COL4A6: variants seen among roughly 807,000 people sequenced by gnomAD.
COL4A6 encodes the protein collagen type IV alpha 6 chain.
COL4A6 carries 59 observed loss-of-function variants against 126.7 expected under a neutral mutation model. The observed-to-expected ratio is 0.47, with a 90% confidence interval of 0.38 to 0.58. COL4A6 has a LOEUF of 0.58. Among genes scored for constraint, COL4A6 ranks in the 20% least tolerant of loss-of-function variants. The probability of loss-of-function intolerance (pLI) is 0.00; values close to 1 mark genes in which losing one functional copy is unlikely to be tolerated. For missense variants in COL4A6, 1,285 were observed against 1,337.3 expected (o/e 0.96, Z 0.61); for synonymous variants, 547 against 496.6 (o/e 1.10, Z -1.35).
chrX:108,172,735 T>G (rs915074242), intron 31 of COL4A6, among the ~76,000 whole-genome samples: 1 of 110,849 alleles, frequency 9.0e-6, no homozygotes, highest in Admixed American at 9.6e-5. Context: ...ATACTTAGGG[T>G]TTGTAGGGGA....
intron 2 of COL4A6, among the ~76,000 whole-genome samples, chrX:108,376,754 T>C (rs774557612): frequency 3.9e-4 from 44 of 113,008 alleles, no homozygotes; most frequent in Non-Finnish European, 7.1e-4. Flanking sequence ...TTGCTCTTTT[T>C]TTCTGAAAAT....
chrX:108,361,174 G>A (rs2040077270), intron 2 of COL4A6, among the ~76,000 whole-genome samples: 1 of 111,041 alleles, frequency 9.0e-6, no homozygotes, highest in Non-Finnish European at 1.9e-5. Context: ...TTTTCCCTCT[G>A]GTTGATGAAA....
At chrX:108,353,214 G>C (rs1265105171) in intron 2 of COL4A6, among the ~76,000 whole-genome samples, 1 of 111,886 alleles carries the variant, frequency 8.9e-6, no homozygotes, top group African/African-American at 3.3e-5. Context: ...AAAATCCTTA[G>C]TTGTACTCAT....
chrX:108,319,886 A>G (rs925580096), intron 2 of COL4A6, among the ~76,000 whole-genome samples: 2 of 112,150 alleles, frequency 1.8e-5, no homozygotes, highest in African/African-American at 6.5e-5. Context: ...ATGTGTTGAC[A>G]CAGGAGAGAG....
intron 2 of COL4A6, among the ~76,000 whole-genome samples, chrX:108,353,744 T>A: frequency 8.9e-6 from 1 of 112,142 alleles, no homozygotes; most frequent in South Asian, 3.7e-4. Flanking sequence ...TAGCGTATAT[T>A]ATGGAAGTAG....
At chrX:108,425,723 CACACACACAA>C (rs2064070069) in intron 2 of COL4A6, among the ~76,000 whole-genome samples, 1 of 105,906 alleles carries the variant, frequency 9.4e-6, no homozygotes, top group African/African-American at 3.5e-5. Flanking sequence ...GACAGCACAA[CACACACACAA>C]ACACACACAC....
intron 2 of COL4A6, among the ~76,000 whole-genome samples, chrX:108,418,258 AT>A (rs1349366536): frequency 8.9e-6 from 1 of 112,351 alleles, no homozygotes; most frequent in African/African-American, 3.2e-5. Context: ...TACTTTGGAT[AT>A]TATTTTCAAG....
chrX:108,305,080 A>AT (rs2147890250), intron 3 of COL4A6, among the ~76,000 whole-genome samples: 1 of 111,977 alleles, frequency 8.9e-6, no homozygotes, highest in African/African-American at 3.2e-5. Flanking sequence ...AGAGCAGACA[A>AT]GTGAAGAGAA....
chrX:108,238,964 T>C (rs1193753820), intron 3 of COL4A6, among the ~76,000 whole-genome samples: 4 of 112,513 alleles, frequency 3.6e-5, no homozygotes, highest in African/African-American at 1.3e-4. Flanking sequence ...CATCTCTTCA[T>C]AGGCTTGTTA....
intron 3 of COL4A6, among the ~76,000 whole-genome samples, chrX:108,238,609 C>T (rs1172004943): frequency 9.3e-6 from 1 of 107,747 alleles, no homozygotes; most frequent in Non-Finnish European, 1.9e-5. Context: ...ATCTAGTTTG[C>T]CTCTAATCCC....
intron 3 of COL4A6, among the ~76,000 whole-genome samples, chrX:108,297,591 T>TAC: frequency 9.0e-6 from 1 of 110,908 alleles, no homozygotes; most frequent in South Asian, 3.9e-4. Context: ...GTGTATCATT[T>TAC]ACACATCTAG....
intron 26 of COL4A6, 96 bp downstream of exon 26, chrX:108,179,121 A>G (rs892563476): frequency 1.2e-5 from 10 of 861,086 alleles, no homozygotes; most frequent in Non-Finnish European, 1.6e-5. Flanking sequence ...CCTTAATTAA[A>G]CCATCACCCC....
chrX:108,370,486 G>C (rs773197027), intron 2 of COL4A6, among the ~76,000 whole-genome samples: 1 of 111,618 alleles, frequency 9.0e-6, no homozygotes, highest in South Asian at 3.8e-4. Flanking sequence ...TCATTCAGTC[G>C]TAGGGATTTG....
intron 2 of COL4A6, among the ~76,000 whole-genome samples, chrX:108,350,646 G>A (rs1241648861): frequency 8.9e-6 from 1 of 111,756 alleles, no homozygotes; most frequent in Admixed American, 9.5e-5. Context: ...GATACTTAAG[G>A]AGGTTCAGCT....
At chrX:108,169,797 A>G (rs2034245110) in intron 36 of COL4A6, 148 bp downstream of exon 36, 1 of 822,944 alleles carries the variant, frequency 1.2e-6, no homozygotes. Flanking sequence ...TTTCTTCTCC[A>G]TATCAAGGGA....
At chrX:108,358,030 T>C (rs1177585609) in intron 2 of COL4A6, among the ~76,000 whole-genome samples, 2 of 111,782 alleles carry the variant, frequency 1.8e-5, no homozygotes, top group African/African-American at 3.2e-5. Flanking sequence ...TATTCTTGTA[T>C]AATATCATTA....
chrX:108,353,718 C>T (rs922296046), intron 2 of COL4A6, among the ~76,000 whole-genome samples: 1 of 111,654 alleles, frequency 9.0e-6, no homozygotes, highest in Admixed American at 9.5e-5. Context: ...GATAAGTACT[C>T]CAGGATGTCT....
intron 2 of COL4A6, among the ~76,000 whole-genome samples, chrX:108,332,224 A>G (rs1450126263): frequency 9.0e-6 from 1 of 111,564 alleles, no homozygotes; most frequent in East Asian, 2.8e-4. Context: ...GATATATATC[A>G]CATTCTTTTT....
intron 2 of COL4A6, among the ~76,000 whole-genome samples, chrX:108,382,792 C>T (rs1270672303): frequency 9.2e-6 from 1 of 108,212 alleles, no homozygotes; most frequent in Non-Finnish European, 1.9e-5. Context: ...ACTAAAAATA[C>T]AAAAATTAGC....
Sources: gnomAD v4.1 joint callset for allele counts (sites outside exome capture counted in the v4.1 genomes callset) on GRCh38, gnomAD v4.1.1 for gene constraint, MANE v1.5 for transcripts, NCBI Gene and HGNC (gene_info 2026-07-23, HGNC 2026-07-21) for gene names.